IQCM: variants seen among roughly 807,000 people sequenced by gnomAD.
IQCM encodes IQ domain-containing protein M.
IQCM carries 45 observed loss-of-function variants against 57.6 expected under a neutral mutation model. The ratio of observed to expected loss-of-function variants is 0.78; its 90% confidence interval spans 0.62 to 1.00. IQCM has a LOEUF of 1.00. Among genes scored for constraint, IQCM ranks in the 50% least tolerant of loss-of-function variants. IQCM has a pLI of 0.00. For missense variants in IQCM, 468 were observed against 511.6 expected (o/e 0.91, Z 0.82); for synonymous variants, 148 against 158.9 (o/e 0.93, Z 0.51).
rs910085560 is a variant in IQCM at position 149,473,971 on chromosome 4, G to T, written c.1229-40414C>A. Among the ~76,000 whole-genome samples, 3 of 152,236 alleles carry T rather than the reference G, an allele frequency of 2.0e-5. No individual in the cohort carries two copies. In the East Asian group the frequency reaches 5.8e-4, roughly 29 times the overall value. ...TGGGGAACATCACAAACTAGGGTCT[G>T]TCGTGGTGTCGGGGAAGTGGGGAGG... On this transcript the variant is annotated intron_variant, in intron 12 of 13. Coordinates refer to ENST00000636793, the MANE Select transcript of IQCM (RefSeq NM_001363507.2).
intron 13 of IQCM, among the ~76,000 whole-genome samples, chr4:149,403,213 T>C (rs1732740875): frequency 6.6e-6 from 1 of 151,986 alleles, no homozygotes; most frequent in Non-Finnish European, 1.5e-5. Context: ...CCTTTCCAGA[T>C]TGCTGATTTC....
chr4:149,423,560 G>A (rs150817105), intron 13 of IQCM, among the ~76,000 whole-genome samples: 1 of 152,014 alleles, frequency 6.6e-6, no homozygotes, highest in Non-Finnish European at 1.5e-5. Flanking sequence ...CAGCCTCCAT[G>A]CTCCTCTCCC....
rs575157409 is a variant in IQCM, at chr4:149,520,074, G to T, written c.1228+28381C>A. Among the ~76,000 whole-genome samples the T allele has an allele frequency of 4.8e-4, 73 of 152,174 alleles. 1 individual carries two copies. In the South Asian group the frequency reaches 0.015, roughly 32 times the overall value. ...CCATTAAACAATATGTAGTACAATC[G>T]GTTAAGAATGCCCACTAAATAATAA... On this transcript the variant is annotated intron_variant, in intron 12 of 13. Transcript: ENST00000636793.
At chr4:149,373,644 T>G in intron 13 of IQCM, among the ~76,000 whole-genome samples, 1 of 152,256 alleles carries the variant, frequency 6.6e-6, no homozygotes, top group East Asian at 1.9e-4. Context: ...TATACAAATT[T>G]TTTTTCATTA....
intron 2 of IQCM, among the ~76,000 whole-genome samples, chr4:149,748,488 A>T (rs1249727885): frequency 6.6e-6 from 1 of 152,128 alleles, no homozygotes; most frequent in African/African-American, 2.4e-5. Flanking sequence ...ATACTTTAAA[A>T]TTCTTACTTT....
chr4:149,620,023 G>A (rs181455169), intron 8 of IQCM, among the ~76,000 whole-genome samples: 3 of 152,220 alleles, frequency 2.0e-5, no homozygotes, highest in African/African-American at 7.2e-5. Flanking sequence ...CAGGCATGGT[G>A]GCAAGCATCG....
chr4:149,574,743 T>A (rs965883130), intron 9 of IQCM, among the ~76,000 whole-genome samples: 2 of 151,982 alleles, frequency 1.3e-5, no homozygotes, highest in Non-Finnish European at 2.9e-5. Flanking sequence ...GTTCAGATAT[T>A]GCTACTAATT....
In IQCM at chr4:149,637,178, A is replaced by G. The variant is rs565206143; in HGVS notation, c.566-15934T>C. 7.9e-5 allele frequency among the ~76,000 whole-genome samples: 12 copies of G among 151,030 alleles called. No individual in the cohort carries two copies. In the East Asian group the frequency reaches 2.3e-3, roughly 29 times the overall value. On this transcript the variant is annotated intron_variant, in intron 7 of 13. Transcript: ENST00000636793. ...AAAAAAAAAGAAAAAAAAAAAAAAA[A>G]GAAAGTGAATTTAGCAATGTTACAG...
At chr4:149,554,697 CT>C (rs1286787588) in intron 10 of IQCM, among the ~76,000 whole-genome samples, 11 of 61,624 alleles carry the variant, frequency 1.8e-4, no homozygotes, top group African/African-American at 2.2e-4. Flanking sequence ...TTTTTCTTTT[CT>C]TTTCTTTCTT....
At chr4:149,708,856 T>G (rs1764350949) in intron 5 of IQCM, among the ~76,000 whole-genome samples, 1 of 152,050 alleles carries the variant, frequency 6.6e-6, no homozygotes, top group Admixed American at 6.6e-5. Flanking sequence ...TGGCACTCTT[T>G]TTATTGTTTA....
intron 12 of IQCM, among the ~76,000 whole-genome samples, chr4:149,489,644 A>G (rs1741877604): frequency 6.6e-6 from 1 of 152,018 alleles, no homozygotes; most frequent in Non-Finnish European, 1.5e-5. Context: ...TATAATTAGA[A>G]CTAAACAGAA....
intron 7 of IQCM, among the ~76,000 whole-genome samples, chr4:149,642,573 T>C (rs1443810216): frequency 6.6e-6 from 1 of 152,168 alleles, no homozygotes; most frequent in Admixed American, 6.5e-5. Flanking sequence ...ATCTAAACTA[T>C]AAACTCATCT....
chr4:149,462,772 C>A (rs1209067537), intron 12 of IQCM, among the ~76,000 whole-genome samples: 1 of 152,160 alleles, frequency 6.6e-6, no homozygotes, highest in Non-Finnish European at 1.5e-5. Flanking sequence ...TGGGTTTACA[C>A]CACAGTTGGA....
At chr4:149,454,699 G>T (rs1319858874) in intron 12 of IQCM, among the ~76,000 whole-genome samples, 1 of 152,026 alleles carries the variant, frequency 6.6e-6, no homozygotes, top group African/African-American at 2.4e-5. Flanking sequence ...ATTGACACAT[G>T]CTACAACATG....
intron 8 of IQCM, among the ~76,000 whole-genome samples, chr4:149,614,069 T>A (rs1406276039): frequency 1.3e-5 from 2 of 152,206 alleles, no homozygotes; most frequent in South Asian, 2.1e-4. Context: ...CTATGTTTTT[T>A]AAAAAATATG....
At chr4:149,761,579 C>T (rs1228107346) in intron 2 of IQCM, among the ~76,000 whole-genome samples, 1 of 152,112 alleles carries the variant, frequency 6.6e-6, no homozygotes, top group Non-Finnish European at 1.5e-5. Context: ...CTTTATAATA[C>T]TTGTCCTTTT....
chr4:149,464,215 T>A (rs1738606434), intron 12 of IQCM, among the ~76,000 whole-genome samples: 1 of 152,186 alleles, frequency 6.6e-6, no homozygotes. Flanking sequence ...GGTTGTGCTG[T>A]GTACCACATT....
intron 13 of IQCM, among the ~76,000 whole-genome samples, chr4:149,370,395 C>T (rs1217677706): frequency 6.6e-6 from 1 of 152,074 alleles, no homozygotes; most frequent in Admixed American, 6.6e-5. Flanking sequence ...ATACATAAAG[C>T]ACTTAATTTG....
chr4:149,513,748 T>C (rs1744660782), intron 12 of IQCM, among the ~76,000 whole-genome samples: 1 of 152,156 alleles, frequency 6.6e-6, no homozygotes, highest in Non-Finnish European at 1.5e-5. Context: ...GGTTGAAGTA[T>C]AATCACAATC....
Sources: allele counts gnomAD v4.1 joint callset (sites outside exome capture counted in the v4.1 genomes callset), GRCh38; gene constraint gnomAD v4.1.1; transcripts MANE v1.5; gene names NCBI Gene and HGNC (gene_info 2026-07-23, HGNC 2026-07-21).